The following TRPM3 variants were observed in gnomAD, a reference collection of about 807,000 sequenced individuals.
TRPM3 encodes the protein transient receptor potential cation channel subfamily M member 3.
Under a neutral mutation model 181.2 loss-of-function variants are expected in TRPM3, and 77 were observed. That is an observed-to-expected ratio of 0.42 (90% CI 0.35 to 0.51). The LOEUF (loss-of-function observed/expected upper bound fraction) is 0.51, where lower values mean the gene tolerates loss of function less well. Ranked by LOEUF, TRPM3 falls within the 20% of genes least tolerant of loss-of-function variation. The probability of loss-of-function intolerance (pLI) is 0.01; values close to 1 mark genes in which losing one functional copy is unlikely to be tolerated. For synonymous variants in TRPM3, 745 were observed against 796.4 expected (o/e 0.94, Z 1.09); for missense variants, 1,759 against 2,196.7 (o/e 0.80, Z 3.98).
chr9:71,181,884 T>C (rs1382434557), intron 1 of TRPM3, among the ~76,000 whole-genome samples: 1 of 152,098 alleles, frequency 6.6e-6, no homozygotes, highest in African/African-American at 2.4e-5. Flanking sequence ...CCTGTGTCAT[T>C]AATCACCTGG....
chr9:70,589,337 A>G (rs2057716314), intron 22 of TRPM3, among the ~76,000 whole-genome samples: 1 of 152,226 alleles, frequency 6.6e-6, no homozygotes, highest in African/African-American at 2.4e-5. Flanking sequence ...AGAGGGACAG[A>G]CAGAATCCCA....
rs1479356203 is a variant in TRPM3 at position 70,989,301 on chromosome 9, T to A, written c.178-124790A>T. 2.6e-5 allele frequency among the ~76,000 whole-genome samples: 4 copies of A among 152,094 alleles called. No individual in the cohort carries two copies. The East Asian group carries it at 7.7e-4, about 29-fold the overall frequency. ...TCATTTTCCAAGGGACAAATGGAAA[T>A]AAAAAGAGCATATCCACTATTTTGA... On this transcript the variant is annotated intron_variant, in intron 1 of 25. Transcript: ENST00000677713.
intron 1 of TRPM3, among the ~76,000 whole-genome samples, chr9:71,385,822 A>C (rs537517249): frequency 6.6e-6 from 1 of 152,136 alleles, no homozygotes; most frequent in South Asian, 2.1e-4. Context: ...CTTCCACATC[A>C]GCCTCCCAAG....
chr9:70,621,553 G>C (rs2063645705), intron 14 of TRPM3, among the ~76,000 whole-genome samples: 1 of 152,042 alleles, frequency 6.6e-6, no homozygotes, highest in African/African-American at 2.4e-5. Context: ...GTTTTGTAGA[G>C]ATGGGGTCTC....
At chr9:70,998,216 T>C (rs972442769) in intron 1 of TRPM3, among the ~76,000 whole-genome samples, 32 of 140,104 alleles carry the variant, frequency 2.3e-4, no homozygotes, top group African/African-American at 8.0e-4. Flanking sequence ...TATATACACA[T>C]ATATATACAT....
chr9:71,289,645 A>ATC (rs1554864624), intron 1 of TRPM3, among the ~76,000 whole-genome samples: 2 of 152,100 alleles, frequency 1.3e-5, no homozygotes, highest in Admixed American at 1.3e-4. Context: ...AGGTGGGCAT[A>ATC]TCACTTGAGG....
intron 22 of TRPM3, among the ~76,000 whole-genome samples, chr9:70,578,860 G>A (rs1711983124): frequency 1.3e-5 from 2 of 152,198 alleles, no homozygotes; most frequent in Admixed American, 6.5e-5. Flanking sequence ...GTCTGGAGAA[G>A]ATGTCCTGTG....
chr9:71,032,259 G>A (rs1190603963), intron 1 of TRPM3, among the ~76,000 whole-genome samples: 2 of 137,486 alleles, frequency 1.5e-5, no homozygotes, highest in Admixed American at 7.9e-5. Flanking sequence ...CAGAAGTGAA[G>A]AGCAGAATAA....
chr9:71,379,697 C>CT (rs202175060), intron 1 of TRPM3, among the ~76,000 whole-genome samples: 14 of 120,730 alleles, frequency 1.2e-4, no homozygotes, highest in South Asian at 7.8e-4. Context: ...TTCCCAGAAT[C>CT]TTTTTTTTTA....
At chr9:70,580,768 A>G (rs865823029) in intron 22 of TRPM3, among the ~76,000 whole-genome samples, 5 of 152,314 alleles carry the variant, frequency 3.3e-5, no homozygotes, top group South Asian at 2.1e-4. Flanking sequence ...ACTTTCTCAG[A>G]GTGCATCTGG....
At chr9:70,777,923 A>T (rs79783775) in intron 7 of TRPM3, among the ~76,000 whole-genome samples, 246 of 152,232 alleles carry the variant, frequency 1.6e-3, no homozygotes, top group African/African-American at 5.7e-3. Context: ...ATTAATATAT[A>T]TACTTATGTA....
chr9:70,662,469 G>A (rs559257061), intron 9 of TRPM3, among the ~76,000 whole-genome samples: 18 of 152,110 alleles, frequency 1.2e-4, no homozygotes, highest in African/African-American at 2.9e-4. Context: ...CCCACAGAGC[G>A]GGAGAAAATA....
At chr9:71,183,156 A>T in intron 1 of TRPM3, among the ~76,000 whole-genome samples, 1 of 152,280 alleles carries the variant, frequency 6.6e-6, no homozygotes, top group African/African-American at 2.4e-5. Flanking sequence ...CCACCACTTA[A>T]GTAAGACTTA....
At chr9:71,378,346 T>C (rs1223630787) in intron 1 of TRPM3, among the ~76,000 whole-genome samples, 1 of 152,098 alleles carries the variant, frequency 6.6e-6, no homozygotes, top group East Asian at 1.9e-4. Context: ...AACTTGCATA[T>C]ACTATGGATA....
chr9:71,042,798 A>G (rs1313712503), intron 1 of TRPM3, among the ~76,000 whole-genome samples: 1 of 152,224 alleles, frequency 6.6e-6, no homozygotes, highest in Non-Finnish European at 1.5e-5. Context: ...TTTGAATAAG[A>G]AAGGAAAAAC....
At position 71,372,507 on chromosome 9, in the gene TRPM3, G is replaced by GGTTGTT. The variant is rs112619939; in HGVS notation, c.183+74140_183+74145dup. On this transcript the variant is annotated intron_variant, in intron 1 of 24. Coordinates refer to the TRPM3 transcript ENST00000357533. ...TCACCAGCACCTGTTTTTGGCTTTT[G>GGTTGTT]GTTGTTGTTGTTGTTGTTACTTTTT... Among the ~76,000 whole-genome samples the GGTTGTT allele has an allele frequency of 2.4e-4, 37 of 152,024 alleles. No individual in the cohort carries two copies. In the East Asian group the frequency reaches 6.2e-3, roughly 25 times the overall value.
chr9:71,201,421 A>G (rs898415572), intron 1 of TRPM3, among the ~76,000 whole-genome samples: 3 of 152,072 alleles, frequency 2.0e-5, no homozygotes, highest in African/African-American at 4.8e-5. Flanking sequence ...ATGTTGGCCT[A>G]CCTTGCTAGA....
chr9:71,024,060 C>T (rs1358257201), intron 1 of TRPM3, among the ~76,000 whole-genome samples: 1 of 152,102 alleles, frequency 6.6e-6, no homozygotes, highest in African/African-American at 2.4e-5. Context: ...TGAAATTATA[C>T]TATGATTTTG....
At chr9:70,542,675 G>A (rs1023801178) in intron 25 of TRPM3, among the ~76,000 whole-genome samples, 1 of 152,158 alleles carries the variant, frequency 6.6e-6, no homozygotes, top group Non-Finnish European at 1.5e-5. Flanking sequence ...TGATAACCTC[G>A]AAATGTGGTG....
Sources: allele counts gnomAD v4.1 joint callset (sites outside exome capture counted in the v4.1 genomes callset), GRCh38; gene constraint gnomAD v4.1.1; transcripts MANE v1.5; gene names NCBI Gene and HGNC (gene_info 2026-07-23, HGNC 2026-07-21).